CPNE4: variants seen among roughly 807,000 people sequenced by gnomAD.
The protein encoded by CPNE4 is copine-4.
In CPNE4, 25 loss-of-function variants were observed where a neutral mutation model predicts 67.9. That is an observed-to-expected ratio of 0.37 (90% confidence interval 0.27 to 0.51). CPNE4 has a LOEUF of 0.51. Ranked by LOEUF, CPNE4 falls within the 20% of genes least tolerant of loss-of-function variation. The probability of loss-of-function intolerance (pLI) is 0.93; values close to 1 mark genes in which losing one functional copy is unlikely to be tolerated. For synonymous variants in CPNE4, 242 were observed against 244.9 expected, an observed-to-expected ratio of 0.99 and a Z score of 0.11; for missense variants, 464 against 690.8, an observed-to-expected ratio of 0.67 and a Z score of 3.68.
chr3:131,772,377 C>T (rs2083189824), intron 2 of CPNE4, among the ~76,000 whole-genome samples: 2 of 151,994 alleles, frequency 1.3e-5, no homozygotes, highest in Admixed American at 6.6e-5. Flanking sequence ...AGAGTGTTGC[C>T]ACAGTAAATG....
chr3:131,553,177 A>G (rs1936276786), intron 12 of CPNE4, among the ~76,000 whole-genome samples: 1 of 152,116 alleles, frequency 6.6e-6, no homozygotes, highest in African/African-American at 2.4e-5. Flanking sequence ...ATGTTCTGGC[A>G]TCTGGACATT....
chr3:131,979,050 G>C (rs774320784), intron 1 of CPNE4, among the ~76,000 whole-genome samples: 1 of 152,058 alleles, frequency 6.6e-6, no homozygotes, highest in East Asian at 1.9e-4. Flanking sequence ...TGTGGTCTGA[G>C]AGAGTGCTTG....
intron 1 of CPNE4, among the ~76,000 whole-genome samples, chr3:132,023,837 G>C (rs1219936625): frequency 6.6e-6 from 1 of 152,124 alleles, no homozygotes. Flanking sequence ...TACAGGCTAA[G>C]GCTTAAAAGA....
chr3:131,724,435 T>A lies in CPNE4; in HGVS notation c.181-810A>T, dbSNP rs1239447687. ...TAATAGTTTTTCAGTTGTCCCCCTC[T>A]CTCAGATATTAATACATCTCTGCCA... is the stretch of plus-strand genomic sequence containing the variant. On this transcript the variant is annotated intron_variant, in intron 2 of 15. Transcript: ENST00000429747. Among the ~76,000 whole-genome samples the A allele has an allele frequency of 1.4e-4, 21 of 152,156 alleles. 1 individual carries two copies. The highest frequency in any genetic ancestry group is 1.4e-3 in the Admixed American group (21 of 15,272).
intron 3 of CPNE4, among the ~76,000 whole-genome samples, chr3:131,718,646 G>T (rs2107737531): frequency 6.6e-6 from 1 of 152,294 alleles, no homozygotes; most frequent in Middle Eastern, 3.4e-3. Context: ...TTAGGTAGAG[G>T]TCTTTCCCCT....
chr3:131,764,403 C>A (rs2082959576), intron 2 of CPNE4, among the ~76,000 whole-genome samples: 1 of 151,952 alleles, frequency 6.6e-6, no homozygotes, highest in African/African-American at 2.4e-5. Flanking sequence ...TTTTGCTTAT[C>A]TCTTAGTTCT....
intron 1 of CPNE4, among the ~76,000 whole-genome samples, chr3:131,928,183 G>A (rs1367509160): frequency 6.6e-6 from 1 of 152,086 alleles, no homozygotes; most frequent in African/African-American, 2.4e-5. Flanking sequence ...AGCAAAATGT[G>A]TAAACATGAG....
intron 2 of CPNE4, among the ~76,000 whole-genome samples, chr3:131,793,693 A>G (rs1391947101): frequency 6.6e-6 from 1 of 152,210 alleles, no homozygotes; most frequent in East Asian, 1.9e-4. Flanking sequence ...TCTTTCTGGA[A>G]TATTTAATAC....
intron 3 of CPNE4, among the ~76,000 whole-genome samples, chr3:131,709,931 G>A (rs1030820009): frequency 2.6e-5 from 4 of 152,060 alleles, no homozygotes; most frequent in East Asian, 1.9e-4. Context: ...GTCCTTTCCC[G>A]CCACCCTCTA....
chr3:131,854,664 A>T (rs935675185), intron 2 of CPNE4, among the ~76,000 whole-genome samples: 9 of 151,856 alleles, frequency 5.9e-5, no homozygotes, highest in African/African-American at 2.2e-4. Context: ...CCATTCTATT[A>T]CCAAAATAAA....
At chr3:131,547,939 T>C (rs1236290674) in intron 14 of CPNE4, among the ~76,000 whole-genome samples, 1 of 152,168 alleles carries the variant, frequency 6.6e-6, no homozygotes, top group Non-Finnish European at 1.5e-5. Flanking sequence ...GGAAAAATTA[T>C]GAGTCTAAAA....
At chr3:131,773,715 C>A (rs2107838250) in intron 2 of CPNE4, among the ~76,000 whole-genome samples, 1 of 152,194 alleles carries the variant, frequency 6.6e-6, no homozygotes, top group African/African-American at 2.4e-5. Context: ...CACATATAGC[C>A]ACTATAGAAT....
At chr3:131,865,862 A>C (rs1413602806) in intron 2 of CPNE4, among the ~76,000 whole-genome samples, 1 of 152,216 alleles carries the variant, frequency 6.6e-6, no homozygotes, top group Non-Finnish European at 1.5e-5. Context: ...GAGTGGGCAG[A>C]GGGAAAAGTT....
intron 3 of CPNE4, among the ~76,000 whole-genome samples, chr3:131,700,336 A>G (rs1046609802): frequency 2.0e-5 from 3 of 152,142 alleles, no homozygotes; most frequent in African/African-American, 7.2e-5. Context: ...GATCTCAAAT[A>G]TATCATTAAG....
intron 1 of CPNE4, among the ~76,000 whole-genome samples, chr3:131,962,529 T>A (rs2072212517): frequency 6.6e-6 from 1 of 152,188 alleles, no homozygotes; most frequent in Admixed American, 6.5e-5. Context: ...CCTTACAGGA[T>A]TAGAGAAGAC....
intron 2 of CPNE4, among the ~76,000 whole-genome samples, chr3:131,781,786 C>T (rs4582092): frequency 7.9e-5 from 12 of 152,026 alleles, no homozygotes; most frequent in Non-Finnish European, 1.3e-4. Flanking sequence ...CTGTCAGATA[C>T]TAATGACTTG....
At chr3:131,881,334 C>A (rs540248097) in intron 2 of CPNE4, among the ~76,000 whole-genome samples, 1 of 152,286 alleles carries the variant, frequency 6.6e-6, no homozygotes, top group African/African-American at 2.4e-5. Context: ...ATTGTCCTGG[C>A]CTCTCAACAA....
intron 2 of CPNE4, among the ~76,000 whole-genome samples, chr3:131,724,734 C>T (rs953729329): frequency 6.6e-6 from 1 of 152,146 alleles, no homozygotes; most frequent in African/African-American, 2.4e-5. Flanking sequence ...CCTGTTGTTG[C>T]TATCTCTGAT....
chr3:131,612,144 C>CAGGCAG (rs368273012), intron 7 of CPNE4, among the ~76,000 whole-genome samples: 4,277 of 152,218 alleles, frequency 0.028, 67 homozygotes, highest in Middle Eastern at 0.051. Flanking sequence ...GAGGCCAAGG[C>CAGGCAG]AGGCAGATCA....
Sources: gnomAD v4.1 joint callset for allele counts (sites outside exome capture counted in the v4.1 genomes callset) on GRCh38, gnomAD v4.1.1 for gene constraint, MANE v1.5 for transcripts, NCBI Gene and HGNC (gene_info 2026-07-23, HGNC 2026-07-21) for gene names.